The following OSBP2 variants were observed in gnomAD, a reference collection of about 807,000 sequenced individuals.
The protein encoded by OSBP2 is oxysterol binding protein 2.
In OSBP2, 66 loss-of-function variants were observed where a neutral mutation model predicts 96.0. The ratio of observed to expected loss-of-function variants is 0.69; its 90% CI spans 0.56 to 0.84. The LOEUF (loss-of-function observed/expected upper bound fraction) is 0.84. Ranked by LOEUF, OSBP2 falls within the 40% of genes least tolerant of loss-of-function variation. OSBP2 has a pLI of 0.00. For synonymous variants in OSBP2, 525 were observed against 520.9 expected (o/e 1.01, Z -0.11); for missense variants, 1,038 against 1,222.7 (o/e 0.85, Z 2.25).
At chr22:30,842,360 G>T (rs1307996719) in intron 2 of OSBP2, among the ~76,000 whole-genome samples, 3 of 151,940 alleles carry the variant, frequency 2.0e-5, no homozygotes, top group African/African-American at 7.2e-5. Context: ...CCTTCAGCCA[G>T]TTTTTTTTCT....
chr22:30,782,239 C>T (rs557834365), intron 2 of OSBP2, among the ~76,000 whole-genome samples: 8 of 152,366 alleles, frequency 5.3e-5, no homozygotes, highest in Middle Eastern at 3.4e-3. Context: ...ACCATCACCA[C>T]AATCAAGATA....
At chr22:30,703,753 G>A (rs976237701) in intron 1 of OSBP2, among the ~76,000 whole-genome samples, 4 of 152,266 alleles carry the variant, frequency 2.6e-5, no homozygotes, top group African/African-American at 7.2e-5. Context: ...TGGCATTACA[G>A]GTGTGAGCCA....
At chr22:30,859,521 G>A (rs992097622) in intron 2 of OSBP2, among the ~76,000 whole-genome samples, 4 of 152,228 alleles carry the variant, frequency 2.6e-5, no homozygotes, top group Non-Finnish European at 4.4e-5. Flanking sequence ...GCCGTGTGGC[G>A]AGCCCGTTGG....
At chr22:30,852,892 A>T (rs1040618473) in intron 2 of OSBP2, among the ~76,000 whole-genome samples, 2 of 152,204 alleles carry the variant, frequency 1.3e-5, no homozygotes. Flanking sequence ...TGGCTATTGA[A>T]AAGTGTCTGG....
intron 2 of OSBP2, among the ~76,000 whole-genome samples, chr22:30,747,354 G>T (rs1008010099): frequency 2.6e-5 from 4 of 152,104 alleles, no homozygotes; most frequent in Admixed American, 1.3e-4. Context: ...GGTGGCACAC[G>T]CCTGTAATTC....
intron 2 of OSBP2, among the ~76,000 whole-genome samples, chr22:30,762,321 G>A (rs574530580): frequency 3.9e-5 from 6 of 152,158 alleles, no homozygotes; most frequent in African/African-American, 1.4e-4. Flanking sequence ...AGGCCAAGGC[G>A]GGTGGACCAC....
chr22:30,898,091 A>G (rs8137703), intron 12 of OSBP2, among the ~76,000 whole-genome samples: 1,793 of 152,332 alleles, frequency 0.012, 27 homozygotes, highest in African/African-American at 0.04. Flanking sequence ...AAAGTTCAAC[A>G]TAGAAATCCA....
chr22:30,751,841 G>A (rs369424257), intron 2 of OSBP2, among the ~76,000 whole-genome samples: 2 of 152,330 alleles, frequency 1.3e-5, no homozygotes, highest in African/African-American at 4.8e-5. Flanking sequence ...CCAACAACAT[G>A]TGTCGACCCA....
At chr22:30,865,844 G>C (rs1457103522) in intron 2 of OSBP2, among the ~76,000 whole-genome samples, 1 of 152,064 alleles carries the variant, frequency 6.6e-6, no homozygotes, top group Non-Finnish European at 1.5e-5. Context: ...GTGGAGTGAG[G>C]AGCAGGACTG....
chr22:30,696,219 A>T (rs1297546598), intron 1 of OSBP2, among the ~76,000 whole-genome samples: 1 of 152,204 alleles, frequency 6.6e-6, no homozygotes. Flanking sequence ...GAGAGAGCTA[A>T]CACTGTCTTC....
chr22:30,838,135 C>G (rs1001680840), intron 2 of OSBP2, among the ~76,000 whole-genome samples: 3 of 152,130 alleles, frequency 2.0e-5, no homozygotes, highest in Admixed American at 1.3e-4. Context: ...CAGAGCCCAC[C>G]CTTTTAGGAT....
In OSBP2 at chr22:30,713,015, A is replaced by G. The variant is rs183673596; in HGVS notation, c.644+17462A>G. ...AGCCTCAATGTTCTGCACTCAAGCA[A>G]TCCTTCTCCACCTCAGCCTCCAGAG... is the stretch of plus-strand genomic sequence containing the variant. On this transcript the variant is annotated intron_variant, in intron 1 of 13. Coordinates refer to ENST00000332585, the MANE Select transcript of OSBP2 (RefSeq NM_030758.4). Among the ~76,000 whole-genome samples, 8 of 151,720 alleles carry G rather than the reference A, an allele frequency of 5.3e-5. No homozygotes were observed. The East Asian group carries it at 1.5e-3, about 29-fold the overall frequency.
intron 5 of OSBP2, 91 bp from the exon 6 acceptor site, chr22:30,889,086 T>G: frequency 8.9e-7 from 1 of 1,125,444 alleles, no homozygotes; most frequent in South Asian, 1.5e-5. Flanking sequence ...TTACTAGCAA[T>G]GAAAATGATG....
At chr22:30,825,488 C>G (rs1431008338) in intron 2 of OSBP2, among the ~76,000 whole-genome samples, 2 of 152,214 alleles carry the variant, frequency 1.3e-5, no homozygotes, top group East Asian at 3.8e-4. Context: ...ACCTATGTAT[C>G]TGTGTCTCTG....
intron 2 of OSBP2, among the ~76,000 whole-genome samples, chr22:30,780,398 C>T (rs1359139042): frequency 3.3e-5 from 5 of 152,236 alleles, no homozygotes; most frequent in African/African-American, 7.2e-5. Flanking sequence ...GAACCCGACA[C>T]GCATGACACG....
intron 1 of OSBP2, among the ~76,000 whole-genome samples, chr22:30,710,838 T>A (rs2089334703): frequency 6.6e-6 from 1 of 151,914 alleles, no homozygotes; most frequent in Non-Finnish European, 1.5e-5. Context: ...CTCAAACTCC[T>A]GACCTCAGGT....
intron 1 of OSBP2, among the ~76,000 whole-genome samples, chr22:30,726,527 C>A (rs1019008932): frequency 1.3e-5 from 2 of 152,084 alleles, no homozygotes; most frequent in African/African-American, 4.8e-5. Flanking sequence ...ATACCTAATG[C>A]ATGTGGGGCT....
At chr22:30,757,444 CAGAGTCT>C (rs926719147) in intron 2 of OSBP2, among the ~76,000 whole-genome samples, 34 of 151,100 alleles carry the variant, frequency 2.3e-4, no homozygotes, top group Middle Eastern at 3.4e-3. Context: ...TTTTTTGAGA[CAGAGTCT>C]CTGTCGCCCA....
intron 2 of OSBP2, among the ~76,000 whole-genome samples, chr22:30,760,869 A>C (rs577996166): frequency 6.6e-6 from 1 of 152,142 alleles, no homozygotes; most frequent in African/African-American, 2.4e-5. Context: ...TAATATTAAC[A>C]ATCTAAGAAA....
Sources: gnomAD v4.1 joint callset for allele counts (sites outside exome capture counted in the v4.1 genomes callset) on GRCh38, gnomAD v4.1.1 for gene constraint, MANE v1.5 for transcripts, NCBI Gene and HGNC (gene_info 2026-07-23, HGNC 2026-07-21) for gene names.